Variants in PARP12 observed in about 807,000 individuals in gnomAD.
The protein encoded by PARP12 is protein mono-ADP-ribosyltransferase PARP12.
Under a neutral mutation model 72.4 loss-of-function variants are expected in PARP12, and 59 were observed. The ratio of observed to expected loss-of-function variants is 0.81; its 90% CI spans 0.66 to 1.01. The LOEUF (loss-of-function observed/expected upper bound fraction) is 1.01. Among genes scored for constraint, PARP12 ranks in the 50% least tolerant of loss-of-function variants. The pLI, the probability that PARP12 is intolerant of heterozygous loss-of-function variation, is 0.00. For synonymous variants in PARP12, 403 were observed against 371.4 expected (o/e 1.09, Z -0.98); for missense variants, 851 against 914.0 (o/e 0.93, Z 0.89).
intron 7 of PARP12, among the ~76,000 whole-genome samples, chr7:140,034,954 T>A (rs1207538555): frequency 2.0e-5 from 3 of 152,178 alleles, no homozygotes; most frequent in East Asian, 3.8e-4. Context: ...ACATTTTTTT[T>A]AAGAGATGGG....
rs1414140769 is a variant in PARP12 at position 140,031,105 on chromosome 7, T to C, written c.1422-2417A>G. On this transcript the variant is annotated intron_variant, in intron 8 of 11. Coordinates refer to ENST00000263549, the MANE Select transcript of PARP12 (RefSeq NM_022750.4). ...GTAGTTTCTACCATAGCCTTTAAAA[T>C]ATACATATACACAAAAGAAGGTAAG... Among the ~76,000 whole-genome samples, 5 of 152,162 alleles carry C rather than the reference T, an allele frequency of 3.3e-5. 1 individual carries two copies. The highest frequency in any genetic ancestry group is 7.3e-5 in the Non-Finnish European group (5 of 68,034).
intron 4 of PARP12, among the ~76,000 whole-genome samples, chr7:140,048,768 C>G (rs1240917654): frequency 6.6e-6 from 1 of 152,074 alleles, no homozygotes; most frequent in African/African-American, 2.4e-5. Context: ...AATTATACAT[C>G]TAATTAAGTG....
chr7:140,028,292 C>G (rs1438286173), intron 9 of PARP12, among the ~76,000 whole-genome samples: 1 of 152,166 alleles, frequency 6.6e-6, no homozygotes, highest in Non-Finnish European at 1.5e-5. Context: ...CCTTTTCTCG[C>G]TTAATAAAAT....
intron 7 of PARP12, among the ~76,000 whole-genome samples, chr7:140,037,051 G>A (rs79444917): frequency 1.3e-3 from 198 of 152,298 alleles, no homozygotes; most frequent in African/African-American, 4.0e-3. Flanking sequence ...GGCCAGGCGC[G>A]GTGGCTCATG....
chr7:140,040,329 G>A (rs753072106), intron 6 of PARP12, among the ~76,000 whole-genome samples: 8 of 152,168 alleles, frequency 5.3e-5, no homozygotes, highest in African/African-American at 1.7e-4. Context: ...GGTCGCCCAC[G>A]ACGGGAGGGA....
chr7:140,030,899 A>G (rs1585083526), intron 8 of PARP12, among the ~76,000 whole-genome samples: 1 of 152,346 alleles, frequency 6.6e-6, no homozygotes, highest in East Asian at 1.9e-4. Context: ...AAGATTGGAC[A>G]CCCCTGATCT....
At position 140,040,015 on chromosome 7, in the gene PARP12, G is replaced by A. The variant is rs113602767; in HGVS notation, c.1182+1629C>T. On this transcript the variant is annotated intron_variant, in intron 6 of 11. Coordinates refer to ENST00000263549, the MANE Select transcript of PARP12 (RefSeq NM_022750.4). ...ACCAGAGCTGTGATGAGACACCACC[G>A]GGGAACCCTACTTTTGCATGGGTTG... Among the ~76,000 whole-genome samples, 13 of 152,274 alleles carry A rather than the reference G, an allele frequency of 8.5e-5. 1 individual carries two copies. Among genetic ancestry groups the A allele is most frequent in the African/African-American group, 2.6e-4 (11 of 41,550 alleles).
At chr7:140,058,600 GCC>G (rs1817296788) in intron 1 of PARP12, among the ~76,000 whole-genome samples, 1 of 152,066 alleles carries the variant, frequency 6.6e-6, no homozygotes, top group African/African-American at 2.4e-5. Context: ...AAGGAGAGGG[GCC>G]TCAGAAGAAA....
chr7:140,061,131 A>G (rs1817426438), intron 1 of PARP12, among the ~76,000 whole-genome samples: 1 of 152,200 alleles, frequency 6.6e-6, no homozygotes, highest in Non-Finnish European at 1.5e-5. Flanking sequence ...ATACTTCCAG[A>G]CAGCTGCTTC....
chr7:140,045,035 T>C (rs1476779911), intron 5 of PARP12, among the ~76,000 whole-genome samples: 3 of 151,934 alleles, frequency 2.0e-5, no homozygotes, highest in Non-Finnish European at 2.9e-5. Context: ...TTTTCTTTTT[T>C]TTTTTTTTAA....
intron 5 of PARP12, among the ~76,000 whole-genome samples, chr7:140,042,509 C>G (rs1174905123): frequency 6.6e-6 from 1 of 152,120 alleles, no homozygotes; most frequent in Admixed American, 6.5e-5. Flanking sequence ...AGGGCAGTAT[C>G]GATGAGTAAC....
chr7:140,030,619 A>ATACATACATACG (rs1467925982), intron 8 of PARP12, among the ~76,000 whole-genome samples: 1 of 152,350 alleles, frequency 6.6e-6, no homozygotes, highest in South Asian at 2.1e-4. Context: ...ACATACATGC[A>ATACATACATACG]TACATACATA....
intron 8 of PARP12, among the ~76,000 whole-genome samples, chr7:140,031,396 C>A (rs1664273744): frequency 6.6e-6 from 1 of 151,188 alleles, no homozygotes; most frequent in Non-Finnish European, 1.5e-5. Flanking sequence ...TAAATAAATA[C>A]ATAAATAAAT....
chr7:140,035,926 CAAGGAGGAG>C (rs1816145574), intron 7 of PARP12, among the ~76,000 whole-genome samples: 1 of 46,020 alleles, frequency 2.2e-5, no homozygotes, highest in Non-Finnish European at 4.1e-5. Flanking sequence ...AGGAGGAGGA[CAAGGAGGAG>C]GAGGAGGAGG....
rs781220734 is a variant in PARP12, at chr7:140,024,770, G to C, written c.1896C>G (p.Ala632=). 2.5e-6 allele frequency: 4 copies of C among 1,614,190 alleles called. No individual in the cohort carries two copies. The South Asian group carries it at 4.4e-5, about 18-fold the overall frequency. ...VLVGEFVRGN[A]SFVRPPAKEG... The stretch of plus-strand genomic sequence containing the variant: ...CCTTGGCCGGCGGACGGACAAAGGA[G>C]GCATTGCCCCTGACGAACTCGCCCA... Residue 632 remains alanine (A), a synonymous_variant, in exon 12 of 12, where the codon GCC becomes GCG. Coordinates refer to ENST00000263549, the MANE Select transcript of PARP12 (RefSeq NM_022750.4).
Position 140,024,164 on chromosome 7 carries a change from T to C in PARP12, c.*396A>G, listed in dbSNP as rs1815629728. Reference sequence around the variant, plus strand: ...TCCACCGGTGGCTACTGTGTCATTCTGGAAAAACTATGATGCCATGAGACT... The same window carrying C: ...TCCACCGGTGGCTACTGTGTCATTCCGGAAAAACTATGATGCCATGAGACT... On this transcript the variant is annotated 3_prime_UTR_variant, in exon 12 of 12. Coordinates refer to ENST00000263549, the MANE Select transcript of PARP12 (RefSeq NM_022750.4). The C allele has an allele frequency of 3.3e-6, 1 of 303,620 alleles. No individual in the cohort carries two copies. Among genetic ancestry groups the C allele is most frequent in the Non-Finnish European group, 6.4e-6 (1 of 156,040 alleles). 18.8% of individuals were successfully genotyped at this position (303,620 alleles called of 1,614,324 possible). A position where few individuals can be genotyped will look rare whatever the true frequency, so the allele number is the denominator to read the frequency against.
intron 4 of PARP12, among the ~76,000 whole-genome samples, chr7:140,047,992 C>A (rs1265959264): frequency 1.3e-5 from 2 of 152,078 alleles, no homozygotes; most frequent in African/African-American, 4.8e-5. Context: ...GCTGATTATG[C>A]GAAGGTCAAA....
intron 8 of PARP12, chr7:140,029,239 T>C (rs1369019342): frequency 6.6e-6 from 1 of 152,304 alleles, no homozygotes; most frequent in Non-Finnish European, 1.5e-5. Flanking sequence ...CTATGCATAT[T>C]GTTTACTGCA....
At position 140,062,665 on chromosome 7, in the gene PARP12, G is replaced by A. The variant is rs1323555599; in HGVS notation, c.183C>T (p.Ala61=). Residue 61 remains alanine, a synonymous_variant, in exon 1 of 12, where the codon GCC becomes GCT. Transcript: ENST00000263549. Reference sequence around the variant, plus strand: ...AGGCGGCCAGCACCACGCGCTCCGGGGCCGCGGCTGCGCCGCCCGCCCGCA... The same window carrying A: ...AGGCGGCCAGCACCACGCGCTCCGGAGCCGCGGCTGCGCCGCCCGCCCGCA... The part of the protein sequence containing the change: ...VAVRAGGAAA[A]PERVVLAASP... The A allele has an allele frequency of 1.2e-4, 159 of 1,292,676 alleles. No individual in the cohort carries two copies. The highest frequency in any genetic ancestry group is 1.5e-4 in the Non-Finnish European group (152 of 1,023,686). 80.1% of individuals were successfully genotyped at this position (1,292,676 alleles called of 1,614,324 possible).
Sources: gnomAD v4.1 joint callset for allele counts (sites outside exome capture counted in the v4.1 genomes callset) on GRCh38, gnomAD v4.1.1 for gene constraint, MANE v1.5 for transcripts, NCBI Gene and HGNC (gene_info 2026-07-23, HGNC 2026-07-21) for gene names.